Variants in ZNF341 observed in about 807,000 individuals in gnomAD.
ZNF341 encodes zinc finger protein 341.
Under a neutral mutation model 87.7 loss-of-function variants are expected in ZNF341, and 52 were observed. That is an observed-to-expected ratio of 0.59 (90% CI 0.47 to 0.75). The LOEUF (loss-of-function observed/expected upper bound fraction) is 0.75. Among genes scored for constraint, ZNF341 ranks in the 30% least tolerant of loss-of-function variants. The probability of loss-of-function intolerance (pLI) is 0.00; values close to 1 mark genes in which losing one functional copy is unlikely to be tolerated. For synonymous variants in ZNF341, 459 were observed against 472.7 expected (o/e 0.97, Z 0.38); for missense variants, 977 against 1,145.9 (o/e 0.85, Z 2.13).
intron 1 of ZNF341, among the ~76,000 whole-genome samples, chr20:33,739,347 G>A (rs992755471): frequency 2.6e-5 from 4 of 152,208 alleles, no homozygotes; most frequent in Admixed American, 2.6e-4. Context: ...CTGAGAGGTT[G>A]GAGGCAGAGC....
chr20:33,751,671 C>T (rs1461696657), intron 4 of ZNF341, among the ~76,000 whole-genome samples: 1 of 152,106 alleles, frequency 6.6e-6, no homozygotes, highest in Non-Finnish European at 1.5e-5. Context: ...CCTCCCTGGG[C>T]TCAGGTGATT....
chr20:33,741,488 C>T (rs2018802173), intron 2 of ZNF341, among the ~76,000 whole-genome samples: 1 of 151,868 alleles, frequency 6.6e-6, no homozygotes, highest in Non-Finnish European at 1.5e-5. Context: ...ACTGCAACCT[C>T]CACCTCCTAG....
At chr20:33,751,933 G>C (rs1222778184) in intron 4 of ZNF341, among the ~76,000 whole-genome samples, 1 of 152,106 alleles carries the variant, frequency 6.6e-6, no homozygotes, top group Non-Finnish European at 1.5e-5. Context: ...CAAAATTCCA[G>C]ACTCCCAGAA....
chr20:33,791,782 G>A lies in ZNF341; in HGVS notation c.*265G>A, dbSNP rs1000133111. 9 of 443,630 alleles carry A rather than the reference G, an allele frequency of 2.0e-5. No homozygotes were observed. The highest frequency in any genetic ancestry group is 3.6e-5 in the Non-Finnish European group (9 of 250,298). The allele number at this position is 443,630 out of a possible 1,614,324, so 27.5% of individuals were successfully genotyped here. ...CCATGGTGGCAGGAGAGAGATGGCT[G>A]AAGCCTGAGCAGCCCAGAGTCCCGC... On this transcript the variant is annotated 3_prime_UTR_variant, in exon 15 of 15. Transcript: ENST00000375200.
chr20:33,750,661 A>G (rs923634229), intron 4 of ZNF341, among the ~76,000 whole-genome samples: 2 of 150,468 alleles, frequency 1.3e-5, no homozygotes, highest in African/African-American at 2.5e-5. Flanking sequence ...TTTTTTTGAG[A>G]TGGAGTCTCG....
rs1379656827 is a variant in ZNF341, at chr20:33,732,006, C to T, written c.-16C>T. 2.8e-6 allele frequency: 4 copies of T among 1,433,450 alleles called. No individual in the cohort carries two copies. The highest frequency in any genetic ancestry group is 1.4e-5 in the South Asian group (1 of 72,818). 88.8% of individuals were successfully genotyped at this position (1,433,450 alleles called of 1,614,324 possible). On this transcript the variant is annotated 5_prime_UTR_variant, in exon 1 of 15. In the 5' UTR this introduces an upstream ATG that the reference lacks. Transcript: ENST00000375200. The surrounding 1 kb of genome is among the most constrained non-coding windows in gnomAD (Gnocchi z 4.5). ...CGGGCTTCGGTTCCTGTGGCGGCGA[C>T]GGCGGCGGCTCCAAGATGGCGCAGG... is the stretch of plus-strand genomic sequence containing the variant.
At chr20:33,739,032 G>A (rs1246979085) in intron 1 of ZNF341, among the ~76,000 whole-genome samples, 8 of 152,056 alleles carry the variant, frequency 5.3e-5, no homozygotes, top group African/African-American at 1.4e-4. Flanking sequence ...GTGCAGTGGC[G>A]CCATCTCCGC....
rs143337863 is a variant in ZNF341, at chr20:33,766,995, C to A, written c.1367C>A (p.Thr456Asn). ...LCQFCPSKFS[T>N]YFQLKSHMTQ... ...CAATTCTGCCCCAGCAAATTCAGCACCTACTTCCAGCTCAAGTCTCACATG... is the reference window on the plus strand; with the variant it reads ...CAATTCTGCCCCAGCAAATTCAGCAACTACTTCCAGCTCAAGTCTCACATG... Residue 456 changes from threonine (T) to asparagine (N), a missense_variant, in exon 9 of 15, where the codon ACC (threonine) becomes AAC (asparagine). This residue lies in a region of ZNF341 where 515 missense variants were observed against 598.2 expected (regional missense o/e 0.86). Coordinates refer to ENST00000375200, the MANE Select transcript of ZNF341 (RefSeq NM_001282933.2). 6 of 1,614,030 alleles carry A rather than the reference C, an allele frequency of 3.7e-6. No individual in the cohort carries two copies. The highest frequency in any genetic ancestry group is 5.1e-6 in the Non-Finnish European group (6 of 1,180,022).
intron 9 of ZNF341, among the ~76,000 whole-genome samples, chr20:33,768,506 G>A (rs774622820): frequency 6.7e-6 from 1 of 150,202 alleles, no homozygotes; most frequent in African/African-American, 2.4e-5. Flanking sequence ...CACTGTAACC[G>A]CCACCTCCTG....
At chr20:33,748,610 C>G (rs1449444723) in intron 3 of ZNF341, among the ~76,000 whole-genome samples, 2 of 151,636 alleles carry the variant, frequency 1.3e-5, no homozygotes, top group Non-Finnish European at 2.9e-5. Context: ...TCAAGTGATT[C>G]ACCTGCCTCA....
At chr20:33,785,529 G>T (rs1157437809) in intron 12 of ZNF341, among the ~76,000 whole-genome samples, 1 of 151,952 alleles carries the variant, frequency 6.6e-6, no homozygotes, top group African/African-American at 2.4e-5. Context: ...TAGAGACGGG[G>T]TTTCACCATG....
intron 8 of ZNF341, among the ~76,000 whole-genome samples, chr20:33,765,691 A>T (rs1477439004): frequency 6.6e-6 from 1 of 151,956 alleles, no homozygotes; most frequent in Non-Finnish European, 1.5e-5. Flanking sequence ...AAGAATAAAT[A>T]ATTTCTTCCA....
In ZNF341 at chr20:33,789,550, G is replaced by A. The variant is rs573687093; in HGVS notation, c.1997G>A (p.Arg666Gln). Residue 666 changes from arginine to glutamine, a missense_variant, in exon 14 of 15, where the codon CGG becomes CAG. Arg to Gln is a conservative substitution (Grantham distance 43). This residue lies in a region of ZNF341 where 241 missense variants were observed against 335.0 expected (regional missense o/e 0.72). Coordinates refer to ENST00000375200, the MANE Select transcript of ZNF341 (RefSeq NM_001282933.2). ...THTGCSKEFN[R>Q]PDKLKAHILS... ...ACAGGCTGCAGTAAGGAGTTCAACC[G>A]GCCGGACAAGCTGAAGGCCCACATC... The A allele has an allele frequency of 5.0e-6, 8 of 1,613,938 alleles. No individual in the cohort carries two copies. The highest frequency in any genetic ancestry group is 2.2e-5 in the East Asian group (1 of 44,888).
chr20:33,732,092 C>G lies in ZNF341; in HGVS notation c.31+40C>G, dbSNP rs1003163114. On this transcript the variant is annotated intron_variant, in intron 1 of 14. Transcript: ENST00000375200. This position sits in a 1 kb window ranked among gnomAD's most constrained non-coding sequence, Gnocchi z 4.5. ...GGCCGGCGGAGGCGGCTGTTCCGCG[C>G]TGCGCCCCCTCCCGCCGCGCCCTCG... The G allele has an allele frequency of 3.3e-6, 4 of 1,206,790 alleles. No individual in the cohort carries two copies. Among genetic ancestry groups the G allele is most frequent in the African/African-American group, 1.6e-5 (1 of 62,662 alleles). The allele number at this position is 1,206,790 out of a possible 1,614,324, so 74.8% of individuals were successfully genotyped here.
chr20:33,769,630 G>T (rs1447378785), intron 9 of ZNF341, among the ~76,000 whole-genome samples: 1 of 152,208 alleles, frequency 6.6e-6, no homozygotes, highest in African/African-American at 2.4e-5. Context: ...AAAACAAGGG[G>T]CTGGGCACAG....
rs143267811 is a variant in ZNF341, at chr20:33,790,487, A to G, written c.2036-501A>G. ...AGTGGCATCCCCCCACAGTTGTGAC[A>G]ACCAAAAATGTCTCTAGGCATTGCT... On this transcript the variant is annotated intron_variant, in intron 14 of 14. Transcript: ENST00000375200. Among the ~76,000 whole-genome samples the G allele has an allele frequency of 9.7e-4, 148 of 152,306 alleles. 2 individuals are homozygous for G. The highest frequency in any genetic ancestry group is 3.4e-3 in the Middle Eastern group (1 of 294).
chr20:33,751,093 C>A (rs1304309253), intron 4 of ZNF341, among the ~76,000 whole-genome samples: 1 of 152,148 alleles, frequency 6.6e-6, no homozygotes, highest in Non-Finnish European at 1.5e-5. Context: ...ATTTTAACAA[C>A]TGCAAAGGAT....
At chr20:33,769,837 T>A (rs2019486805) in intron 9 of ZNF341, among the ~76,000 whole-genome samples, 1 of 152,102 alleles carries the variant, frequency 6.6e-6, no homozygotes, top group South Asian at 2.1e-4. Flanking sequence ...CTTGAACCTG[T>A]GAAGTGGAGG....
chr20:33,751,986 A>G (rs895923428), intron 4 of ZNF341, among the ~76,000 whole-genome samples: 1 of 152,168 alleles, frequency 6.6e-6, no homozygotes, highest in Non-Finnish European at 1.5e-5. Context: ...TTGTCCAAGC[A>G]GTCTACATAA....
Sources: allele counts gnomAD v4.1 joint callset (sites outside exome capture counted in the v4.1 genomes callset), GRCh38; gene constraint gnomAD v4.1.1; regional missense constraint gnomAD v4.1.1; non-coding constraint Gnocchi (gnomAD v3.1); transcripts MANE v1.5; gene names NCBI Gene and HGNC (gene_info 2026-07-23, HGNC 2026-07-21).